The following UHRF1 variants were observed in gnomAD, a reference collection of about 807,000 sequenced individuals.
UHRF1 encodes the protein E3 ubiquitin-protein ligase UHRF1.
In UHRF1, 9 loss-of-function variants were observed where a neutral mutation model predicts 96.5. That is an observed-to-expected ratio of 0.09 (90% CI 0.06 to 0.16). UHRF1 has a LOEUF of 0.16. Ranked by LOEUF, UHRF1 falls within the 10% of genes least tolerant of loss-of-function variation. The pLI, the probability that UHRF1 is intolerant of heterozygous loss-of-function variation, is 1.00. For synonymous variants in UHRF1, 455 were observed against 469.9 expected, an observed-to-expected ratio of 0.97 and a Z score of 0.41; for missense variants, 626 against 1,131.1, an observed-to-expected ratio of 0.55 and a Z score of 6.40.
At chr19:4,949,336 T>C (rs146210613) in intron 11 of UHRF1, among the ~76,000 whole-genome samples, 204 of 152,320 alleles carry the variant, frequency 1.3e-3, no homozygotes, top group Non-Finnish European at 2.0e-3. Flanking sequence ...TCTGCCTGTT[T>C]GTATGAAGAG....
chr19:4,944,725 T>A (rs2033512368), intron 9 of UHRF1, among the ~76,000 whole-genome samples: 2 of 152,196 alleles, frequency 1.3e-5, no homozygotes, highest in African/African-American at 4.8e-5. Context: ...TGGCATCTGC[T>A]AAGAGGGACC....
intron 5 of UHRF1, among the ~76,000 whole-genome samples, chr19:4,934,667 C>T (rs971294708): frequency 2.6e-5 from 4 of 152,148 alleles, no homozygotes; most frequent in Admixed American, 6.6e-5. Flanking sequence ...TAGTACGTGA[C>T]GTGTTGTCTA....
At chr19:4,939,916 C>G (rs1243148898) in intron 5 of UHRF1, among the ~76,000 whole-genome samples, 1 of 151,358 alleles carries the variant, frequency 6.6e-6, no homozygotes, top group African/African-American at 2.4e-5. Context: ...GCCAGCTACT[C>G]AGGAGGCTGA....
chr19:4,919,492 T>C (rs1266355803), intron 2 of UHRF1, among the ~76,000 whole-genome samples: 1 of 151,680 alleles, frequency 6.6e-6, no homozygotes, highest in East Asian at 1.9e-4. Flanking sequence ...TTAGTAGAGA[T>C]GGAGTTTCAC....
At chr19:4,903,746 G>A (rs59904103) in intron 1 of UHRF1, 17,812 of 151,830 alleles carry the variant, frequency 0.12, 1,150 homozygotes, top group Middle Eastern at 0.19. Context: ...CACATGATTC[G>A]CCTGCCTTGG....
At chr19:4,947,280 C>T in intron 11 of UHRF1, 69 bp downstream of exon 11, 1 of 1,419,922 alleles carries the variant, frequency 7.0e-7, no homozygotes, top group Admixed American at 1.7e-5. Context: ...TGTTTTGGGC[C>T]TCATGTCCAG....
chr19:4,909,877 T>A (rs1186291771), intron 1 of UHRF1: 1 of 370,532 alleles, frequency 2.7e-6, no homozygotes, highest in Non-Finnish European at 4.8e-6. Flanking sequence ...CGGCGGGGGG[T>A]CGAGCGCGCC....
upstream of UHRF1, among the ~76,000 whole-genome samples, chr19:4,908,468 C>T (rs117722175): frequency 2.6e-5 from 4 of 152,218 alleles, no homozygotes; most frequent in Non-Finnish European, 5.9e-5. Context: ...CTCAACTCCC[C>T]CTCCCCTTTG....
At position 4,950,710 on chromosome 19, in the gene UHRF1, C is replaced by G. The variant is rs1241608862; in HGVS notation, c.1617C>G (p.Val539=). The change falls in exon 12 of 17, where the codon GTC becomes GTG. Residue 539 remains valine (V), a synonymous_variant. Coordinates refer to ENST00000650932, the MANE Select transcript of UHRF1 (RefSeq NM_001048201.3). ...AGCCGGTCAGGGTGGTGCGCAATGTCAAGGGTGGCAAGAATAGCAAGTACG... is the reference window on the plus strand; with the variant it reads ...AGCCGGTCAGGGTGGTGCGCAATGTGAAGGGTGGCAAGAATAGCAAGTACG... ...SGKPVRVVRN[V]KGGKNSKYAP... 3.7e-6 allele frequency: 6 copies of G among 1,605,644 alleles called. No homozygotes were observed. The Admixed American group carries it at 8.5e-5, about 23-fold the overall frequency.
intron 2 of UHRF1, among the ~76,000 whole-genome samples, chr19:4,920,112 C>T (rs1039646115): frequency 6.6e-6 from 1 of 152,176 alleles, no homozygotes; most frequent in South Asian, 2.1e-4. Context: ...CCATCGCACC[C>T]GGCCAATCAT....
intron 5 of UHRF1, among the ~76,000 whole-genome samples, chr19:4,940,359 AT>A (rs543779456): frequency 0.022 from 1,504 of 67,006 alleles, 9 homozygotes; most frequent in African/African-American, 0.049. Context: ...TGCCTTTATG[AT>A]TTTTTTTTTT....
chr19:4,912,484 T>C (rs958805363), intron 2 of UHRF1, among the ~76,000 whole-genome samples: 1 of 152,188 alleles, frequency 6.6e-6, no homozygotes, highest in African/African-American at 2.4e-5. Flanking sequence ...ATCCACTCTA[T>C]GCCAGCCACC....
At position 4,961,633 on chromosome 19, in the gene UHRF1, T is replaced by C. The variant is rs2033988509; in HGVS notation, c.*830T>C. 1 of 151,148 alleles carries C rather than the reference T, an allele frequency of 6.6e-6. No individual in the cohort carries two copies. Among genetic ancestry groups the C allele is most frequent in the African/African-American group, 2.4e-5 (1 of 41,400 alleles). The allele number at this position is 151,148 out of a possible 1,614,324, so 9.4% of individuals were successfully genotyped here. ...GTCTTTGTTGTTAGCACTGAATTAT[T>C]GAAAATGTCAACCAGATTCTAGAAA... On this transcript the variant is annotated 3_prime_UTR_variant, in exon 17 of 17. Transcript: ENST00000650932.
chr19:4,949,381 CG>C (rs1228960006), intron 11 of UHRF1, among the ~76,000 whole-genome samples: 3 of 150,386 alleles, frequency 2.0e-5, no homozygotes, highest in African/African-American at 7.3e-5. Flanking sequence ...ACTCTAACTC[CG>C]CTTTGAAAAA....
chr19:4,923,932 A>AT (rs1310854384), intron 2 of UHRF1, among the ~76,000 whole-genome samples: 1 of 152,072 alleles, frequency 6.6e-6, no homozygotes, highest in African/African-American at 2.4e-5. Flanking sequence ...GGCTTGTCCC[A>AT]TGCTGCTTTT....
In UHRF1 at chr19:4,930,065, C is replaced by T. The variant is rs949655053; in HGVS notation, c.408+589C>T. Among the ~76,000 whole-genome samples the T allele has an allele frequency of 2.6e-5, 4 of 152,164 alleles. No individual in the cohort carries two copies. The highest frequency in any genetic ancestry group is 9.7e-5 in the African/African-American group (4 of 41,440). ...TCTCGGCTCATTGCAACCTCCAACT[C>T]CTGGGTTCAAGCAATTCTCGTGCCT... On this transcript the variant is annotated intron_variant, in intron 3 of 16. Transcript: ENST00000650932. The surrounding 1 kb of genome is among the most constrained non-coding windows in gnomAD (Gnocchi z 4.4).
chr19:4,919,694 A>T (rs999625371), intron 2 of UHRF1, among the ~76,000 whole-genome samples: 13 of 152,110 alleles, frequency 8.5e-5, no homozygotes, highest in Admixed American at 2.0e-4. Context: ...ACAGTAGGAG[A>T]CCTTGAGTTA....
chr19:4,909,172 G>A, upstream of UHRF1: 1 of 376,068 alleles, frequency 2.7e-6, no homozygotes, highest in Non-Finnish European at 4.8e-6. Flanking sequence ...GCGTGCGAGT[G>A]GGGGGCTGCG....
intron 5 of UHRF1, among the ~76,000 whole-genome samples, chr19:4,939,887 G>A (rs1461866576): frequency 6.6e-6 from 1 of 152,102 alleles, no homozygotes; most frequent in African/African-American, 2.4e-5. Context: ...AGCCAGGCGT[G>A]GTGGCGGGTG....
Sources: gnomAD v4.1 joint callset for allele counts (sites outside exome capture counted in the v4.1 genomes callset) on GRCh38, gnomAD v4.1.1 for gene constraint, Gnocchi (gnomAD v3.1) non-coding constraint, MANE v1.5 for transcripts, NCBI Gene and HGNC (gene_info 2026-07-23, HGNC 2026-07-21) for gene names.